KCNH7: variants seen among roughly 807,000 people sequenced by gnomAD.
KCNH7 encodes potassium voltage-gated channel subfamily H member 7.
A neutral mutation model predicts 120.8 loss-of-function variants in KCNH7; 49 were observed. The ratio of observed to expected loss-of-function variants is 0.41; its 90% confidence interval spans 0.32 to 0.51. The LOEUF (loss-of-function observed/expected upper bound fraction) is 0.51, where lower values mean the gene tolerates loss of function less well. KCNH7 is among the 20% of genes least tolerant of loss of function. The probability of loss-of-function intolerance (pLI) is 0.38; values close to 1 mark genes in which losing one functional copy is unlikely to be tolerated. For missense variants in KCNH7, 1,097 were observed against 1,446.6 expected, an observed-to-expected ratio of 0.76 and a Z score of 3.92; for synonymous variants, 547 against 516.1, an observed-to-expected ratio of 1.06 and a Z score of -0.81.
chr2:162,643,436 G>C (rs769490146), intron 2 of KCNH7, among the ~76,000 whole-genome samples: 1 of 152,062 alleles, frequency 6.6e-6, no homozygotes. Context: ...ATTAGGAAAA[G>C]TATTTGTGAA....
intron 2 of KCNH7, among the ~76,000 whole-genome samples, chr2:162,674,048 C>A (rs1217902035): frequency 6.6e-6 from 1 of 151,324 alleles, no homozygotes; most frequent in Non-Finnish European, 1.5e-5. Flanking sequence ...TATAATCTAG[C>A]CTACACAGTA....
At chr2:162,549,011 A>G (rs1692575572) in intron 2 of KCNH7, among the ~76,000 whole-genome samples, 1 of 152,102 alleles carries the variant, frequency 6.6e-6, no homozygotes, top group Non-Finnish European at 1.5e-5. Context: ...TGGTATAACC[A>G]TTTCCCTTTT....
At chr2:162,621,977 A>G (rs1196125949) in intron 2 of KCNH7, among the ~76,000 whole-genome samples, 2 of 152,142 alleles carry the variant, frequency 1.3e-5, no homozygotes, top group African/African-American at 4.8e-5. Context: ...GCCACTTCTC[A>G]TGTGTCTTTT....
At chr2:162,539,105 A>T (rs183657685) in intron 2 of KCNH7, among the ~76,000 whole-genome samples, 4 of 152,238 alleles carry the variant, frequency 2.6e-5, no homozygotes, top group Admixed American at 2.6e-4. Context: ...AGCACTTGTC[A>T]TAGTTTCCAT....
chr2:162,378,713 G>A (rs1192884441), intron 14 of KCNH7, among the ~76,000 whole-genome samples: 2 of 152,184 alleles, frequency 1.3e-5, no homozygotes, highest in Non-Finnish European at 2.9e-5. Flanking sequence ...ATCCCAAAAT[G>A]TGGTCACCCA....
At chr2:162,443,533 A>C (rs1285991082) in intron 7 of KCNH7, among the ~76,000 whole-genome samples, 1 of 151,944 alleles carries the variant, frequency 6.6e-6, no homozygotes, top group Non-Finnish European at 1.5e-5. Context: ...TTTTTCTCCT[A>C]CTCTTCCATT....
intron 2 of KCNH7, among the ~76,000 whole-genome samples, chr2:162,603,128 G>T (rs941140370): frequency 6.6e-6 from 1 of 151,858 alleles, no homozygotes; most frequent in Non-Finnish European, 1.5e-5. Flanking sequence ...GATTTTTGAG[G>T]TGTAGGGTCA....
intron 2 of KCNH7, among the ~76,000 whole-genome samples, chr2:162,615,967 C>T (rs754871553): frequency 2.0e-5 from 3 of 152,108 alleles, no homozygotes; most frequent in Non-Finnish European, 4.4e-5. Context: ...TTAGAAGTTA[C>T]TAAATTAGAG....
chr2:162,585,337 C>G (rs1211776533), intron 2 of KCNH7, among the ~76,000 whole-genome samples: 1 of 152,026 alleles, frequency 6.6e-6, no homozygotes, highest in Non-Finnish European at 1.5e-5. Flanking sequence ...TTTTATTCAT[C>G]TTTGTGTCTC....
intron 2 of KCNH7, among the ~76,000 whole-genome samples, chr2:162,662,106 T>A (rs1196039383): frequency 3.3e-5 from 5 of 151,722 alleles, no homozygotes; most frequent in African/African-American, 4.8e-5. Context: ...TACTAAAAAC[T>A]ACAAAAATTA....
chr2:162,777,199 C>A (rs973671259), intron 2 of KCNH7, among the ~76,000 whole-genome samples: 2 of 152,076 alleles, frequency 1.3e-5, no homozygotes, highest in African/African-American at 4.8e-5. Context: ...GTTCCAGGAA[C>A]CCCCACAGAT....
intron 8 of KCNH7, among the ~76,000 whole-genome samples, chr2:162,428,601 T>C (rs1182270686): frequency 6.6e-6 from 1 of 152,044 alleles, no homozygotes; most frequent in South Asian, 2.1e-4. Flanking sequence ...ATTTATTCTA[T>C]AAAACGCTGA....
chr2:162,769,124 A>T (rs138068435), intron 2 of KCNH7: 1 of 152,278 alleles, frequency 6.6e-6, no homozygotes, highest in Admixed American at 6.5e-5. Flanking sequence ...ACATCTTTTA[A>T]AACATGGTGA....
At chr2:162,821,266 C>T (rs573740028) in intron 2 of KCNH7, among the ~76,000 whole-genome samples, 2 of 152,362 alleles carry the variant, frequency 1.3e-5, no homozygotes, top group Admixed American at 1.3e-4. Context: ...TTGCTGTGCT[C>T]ATGACTTACT....
chr2:162,736,451 G>A (rs1687913203), intron 2 of KCNH7, among the ~76,000 whole-genome samples: 1 of 152,166 alleles, frequency 6.6e-6, no homozygotes, highest in Non-Finnish European at 1.5e-5. Context: ...TGCCTTTTAA[G>A]GAAGAGTGTT....
intron 2 of KCNH7, among the ~76,000 whole-genome samples, chr2:162,711,549 T>C (rs1159209161): frequency 6.6e-6 from 1 of 152,226 alleles, no homozygotes; most frequent in Non-Finnish European, 1.5e-5. Flanking sequence ...AAAGGAAATT[T>C]AGTTCTTATT....
chr2:162,656,011 C>A (rs1196923550), intron 2 of KCNH7, among the ~76,000 whole-genome samples: 1 of 152,152 alleles, frequency 6.6e-6, no homozygotes, highest in East Asian at 1.9e-4. Context: ...AAAGATACAA[C>A]TATGTACATC....
At chr2:162,715,900 T>C (rs974884832) in intron 2 of KCNH7, among the ~76,000 whole-genome samples, 1 of 152,086 alleles carries the variant, frequency 6.6e-6, no homozygotes, top group Non-Finnish European at 1.5e-5. Context: ...ATTTGGGTTG[T>C]TCTGATATGT....
intron 2 of KCNH7, among the ~76,000 whole-genome samples, chr2:162,554,773 C>T (rs919432284): frequency 6.6e-6 from 1 of 152,118 alleles, no homozygotes; most frequent in African/African-American, 2.4e-5. Context: ...ATGTATAAAT[C>T]AGTACAATCT....
Sources: allele counts gnomAD v4.1 joint callset (sites outside exome capture counted in the v4.1 genomes callset), GRCh38; gene constraint gnomAD v4.1.1; transcripts MANE v1.5; gene names NCBI Gene and HGNC (gene_info 2026-07-23, HGNC 2026-07-21).